KIF1A: variants seen among roughly 807,000 people sequenced by gnomAD.
The protein encoded by KIF1A is kinesin-like protein KIF1A.
Under a neutral mutation model 227.3 loss-of-function variants are expected in KIF1A, and 46 were observed. The observed-to-expected ratio is 0.20, with a 90% CI of 0.16 to 0.26. The LOEUF is 0.26. KIF1A is among the 10% of genes least tolerant of loss of function. The probability of loss-of-function intolerance (pLI) is 1.00; values close to 1 mark genes in which losing one functional copy is unlikely to be tolerated. For missense variants in KIF1A, 1,683 were observed against 2,485.9 expected, an observed-to-expected ratio of 0.68 and a Z score of 6.87; for synonymous variants, 1,022 against 1,012.8, an observed-to-expected ratio of 1.01 and a Z score of -0.17.
intron 5 of KIF1A, among the ~76,000 whole-genome samples, chr2:240,786,740 C>T (rs1157133115): frequency 7.3e-6 from 1 of 136,674 alleles, no homozygotes; most frequent in African/African-American, 3.1e-5. Context: ...GGGCTGCCTG[C>T]TGGGCCCCTG....
chr2:240,724,133 A>G, intron 40 of KIF1A, 97 bp from the exon 41 acceptor site: 2 of 1,060,142 alleles, frequency 1.9e-6, no homozygotes, highest in Admixed American at 1.7e-5. Context: ...TCAAACGCAC[A>G]GTCAGCCTGG....
intron 20 of KIF1A, among the ~76,000 whole-genome samples, chr2:240,764,416 A>G (rs138280581): frequency 6.6e-6 from 1 of 152,250 alleles, no homozygotes; most frequent in East Asian, 1.9e-4. Flanking sequence ...AGGCTTAGCC[A>G]CACCGACTCC....
rs2049080467 is a variant in KIF1A at position 240,750,456 on chromosome 2, G to C, written c.2950C>G (p.Leu984Val). ...GAGATGGCCTGGACGGCCACGCGGAGGAAGCCCTTCACCTCGCCCTTCTCG... is the reference window on the plus strand; with the variant it reads ...GAGATGGCCTGGACGGCCACGCGGACGAAGCCCTTCACCTCGCCCTTCTCG... ...VSEKGEVKGF[L>V]RVAVQAISAD... The change falls in exon 28 of 49, where the codon CTC (leucine) becomes GTC (valine). Residue 984 changes from leucine (L) to valine (V), a missense_variant. Coordinates refer to ENST00000498729, the MANE Select transcript of KIF1A (RefSeq NM_001244008.2). 1 of 1,613,708 alleles carries C rather than the reference G, an allele frequency of 6.2e-7. No individual in the cohort carries two copies. The highest frequency in any genetic ancestry group is 1.3e-5 in the African/African-American group (1 of 74,954).
intron 7 of KIF1A, 137 bp downstream of exon 7, chr2:240,784,852 G>C: frequency 2.9e-6 from 2 of 699,150 alleles, no homozygotes; most frequent in South Asian, 3.4e-5. Context: ...GCCAGTGTAA[G>C]TGTGAGGACA....
chr2:240,769,196 C>T lies in KIF1A; in HGVS notation c.1434G>A (p.Leu478=). The T allele has an allele frequency of 1.9e-6, 3 of 1,609,850 alleles. No individual in the cohort carries two copies. The South Asian group carries it at 3.3e-5, about 18-fold the overall frequency. Residue 478 remains leucine (L), a synonymous_variant, in exon 17 of 49, where the codon CTG becomes CTA. Transcript: ENST00000498729. ...EAIRMEREAL[L]AEMGVAMRED... ...CCCTCATGGCCACACCCATCTCGGC[C>T]AGCAGGGCTTCCCTGGGGGAACAGA...
Position 240,781,479 on chromosome 2 carries a change from ACACACACAGCTC to A in KIF1A, c.882+1099_882+1110del, listed in dbSNP as rs1265109387. 5.9e-5 allele frequency among the ~76,000 whole-genome samples: 8 copies of A among 134,710 alleles called. 1 individual carries two copies. Among genetic ancestry groups the A allele is most frequent in the Non-Finnish European group, 9.8e-5 (6 of 61,498 alleles). 88.4% of individuals were successfully genotyped at this position (134,710 alleles called of 152,430 possible). ...CACACAGCTCCACACACACACACAC[ACACACACAGCTC>A]CACACACAGCTCCACACACACACAC... is the stretch of plus-strand genomic sequence containing the variant. On this transcript the variant is annotated intron_variant, in intron 10 of 48. Transcript: ENST00000498729.
In KIF1A at chr2:240,718,073, G is replaced by A; in HGVS notation, c.5310C>T (p.Asn1770=). ...KDMHDWLYAF[N]PLLAGTIRSK... The stretch of plus-strand genomic sequence containing the variant: ...ACCGTATGGTCCCGGCCAGGAGGGG[G>A]TTGAAGGCGTACAGCCAGTCATGCA... Residue 1770 remains asparagine, a synonymous_variant, in exon 48 of 49, where the codon AAC becomes AAT. Transcript: ENST00000498729. 5 of 1,610,608 alleles carry A rather than the reference G, an allele frequency of 3.1e-6. No individual in the cohort carries two copies. The highest frequency in any genetic ancestry group is 3.4e-6 in the Non-Finnish European group (4 of 1,178,880).
chr2:240,795,105 A>C (rs2056215462), intron 2 of KIF1A, among the ~76,000 whole-genome samples: 1 of 152,138 alleles, frequency 6.6e-6, no homozygotes, highest in South Asian at 2.1e-4. Context: ...GGTGTCTTGC[A>C]TATGTTCATC....
chr2:240,813,417 C>T (rs1030715575), intron 1 of KIF1A, among the ~76,000 whole-genome samples: 4 of 152,196 alleles, frequency 2.6e-5, no homozygotes, highest in African/African-American at 9.6e-5. Flanking sequence ...GGAACTCAGG[C>T]ACCTGGTGGA....
chr2:240,743,660 C>T (rs1052046247), intron 33 of KIF1A, among the ~76,000 whole-genome samples: 1 of 152,184 alleles, frequency 6.6e-6, no homozygotes, highest in Non-Finnish European at 1.5e-5. Flanking sequence ...CCCCAGCATC[C>T]TACAGCTGGC....
Position 240,750,564 on chromosome 2 carries a change from G to A in KIF1A, c.2859-17C>T, listed in dbSNP as rs573142621. 2 of 1,593,840 alleles carry A rather than the reference G, an allele frequency of 1.3e-6. No homozygotes were observed. Among genetic ancestry groups the A allele is most frequent in the South Asian group, 1.1e-5 (1 of 90,488 alleles). On this transcript the variant is annotated splice_polypyrimidine_tract_variant and intron_variant, in intron 27 of 48. Coordinates refer to ENST00000498729, the MANE Select transcript of KIF1A (RefSeq NM_001244008.2). The stretch of plus-strand genomic sequence containing the variant: ...ACGAAGGCCCTGGGGAGAAGCAGAG[G>A]CGGCGGTCATGGGCCACCCCTCCAC...
In KIF1A at chr2:240,723,597, G is replaced by T. The variant is rs556208724; in HGVS notation, c.4319-39C>A. 2.7e-6 allele frequency: 4 copies of T among 1,506,338 alleles called. No homozygotes were observed. In the East Asian group the frequency reaches 9.9e-5, roughly 37 times the overall value. 93.3% of individuals were successfully genotyped at this position (1,506,338 alleles called of 1,614,324 possible). On this transcript the variant is annotated intron_variant, in intron 41 of 48. Transcript: ENST00000498729. ...GTGGACATTCCACCCCTACCTGATG[G>T]GTGGCTGCTCCTCCCACCCATCCTA...
chr2:240,721,197 C>T (rs529926005), intron 44 of KIF1A, among the ~76,000 whole-genome samples, 159 bp from the exon 45 acceptor site: 1 of 152,328 alleles, frequency 6.6e-6, no homozygotes, highest in African/African-American at 2.4e-5. Flanking sequence ...GCTCAAGACC[C>T]CCGGCCCCCT....
chr2:240,813,436 G>A (rs1266005078), intron 1 of KIF1A, among the ~76,000 whole-genome samples: 1 of 152,230 alleles, frequency 6.6e-6, no homozygotes, highest in Non-Finnish European at 1.5e-5. Flanking sequence ...GAAGGCAGGG[G>A]TGAGAAGTGA....
chr2:240,735,687 C>T (rs1475890470), intron 38 of KIF1A, among the ~76,000 whole-genome samples: 1 of 152,166 alleles, frequency 6.6e-6, no homozygotes, highest in Non-Finnish European at 1.5e-5. Context: ...GCAGGCAGCG[C>T]CCGTGCTGGG....
rs576283722 is a variant in KIF1A, at chr2:240,811,551, G to A, written c.-61+8571C>T. 9.9e-5 allele frequency among the ~76,000 whole-genome samples: 15 copies of A among 152,208 alleles called. No homozygotes were observed. The East Asian group carries it at 2.7e-3, about 28-fold the overall frequency. ...AACCCCTGAGAAGGCGGGGGGTTGC[G>A]GTCCACAGTGCCAGACACAGCACAT... On this transcript the variant is annotated intron_variant, in intron 1 of 48. Transcript: ENST00000498729.
At chr2:240,776,723 G>T (rs1036238594) in intron 10 of KIF1A, among the ~76,000 whole-genome samples, 1 of 152,220 alleles carries the variant, frequency 6.6e-6, no homozygotes, top group Non-Finnish European at 1.5e-5. Flanking sequence ...CTGCTGGGCC[G>T]GCAGATGAGG....
At position 240,721,845 on chromosome 2, in the gene KIF1A, T is replaced by TGTACTCTCTGTTGAATGTGTGC; in HGVS notation, c.4683_4704dup (p.Thr1569AlafsTer53). On this transcript the variant is annotated frameshift_variant, in exon 44 of 49. Coordinates refer to ENST00000498729, the MANE Select transcript of KIF1A (RefSeq NM_001244008.2). LOFTEE classifies it high-confidence loss of function. ...GCACTGACGCAGACGTGGCTGTGTG[T>TGTACTCTCTGTTGAATGTGTGC]GTACTCTCTGTTGAATGTGTGCGTG... is the stretch of plus-strand genomic sequence containing the variant. 1 of 1,607,568 alleles carries TGTACTCTCTGTTGAATGTGTGC rather than the reference T, an allele frequency of 6.2e-7. No individual in the cohort carries two copies. The highest frequency in any genetic ancestry group is 8.5e-7 in the Non-Finnish European group (1 of 1,179,412).
chr2:240,721,144 C>T, intron 44 of KIF1A, 106 bp from the exon 45 acceptor site: 4 of 1,399,548 alleles, frequency 2.9e-6, no homozygotes, highest in East Asian at 2.5e-5. Context: ...CTGCTTAGGG[C>T]ACCCCACCCC....
Sources: gnomAD v4.1 joint callset for allele counts (sites outside exome capture counted in the v4.1 genomes callset) on GRCh38, gnomAD v4.1.1 for gene constraint, MANE v1.5 for transcripts, NCBI Gene and HGNC (gene_info 2026-07-23, HGNC 2026-07-21) for gene names.